KIF14: variants seen among roughly 807,000 people sequenced by gnomAD.
The protein encoded by KIF14 is kinesin-like protein KIF14.
In KIF14, 98 loss-of-function variants were observed where a neutral mutation model predicts 176.2. That is an observed-to-expected ratio of 0.56 (90% CI 0.47 to 0.66). The LOEUF is 0.66. Ranked by LOEUF, KIF14 falls within the 30% of genes least tolerant of loss-of-function variation. The pLI, the probability that KIF14 is intolerant of heterozygous loss-of-function variation, is 0.00. For missense variants in KIF14, 1,751 were observed against 1,920.4 expected, an observed-to-expected ratio of 0.91 and a Z score of 1.65; for synonymous variants, 566 against 632.2, an observed-to-expected ratio of 0.90 and a Z score of 1.57.
At chr1:200,603,124 C>T (rs1027225111) in intron 10 of KIF14, 102 bp downstream of exon 10, 4 of 632,224 alleles carry the variant, frequency 6.3e-6, no homozygotes, top group African/African-American at 5.4e-5. Context: ...TAATGCTTAC[C>T]ACCTTTCTCC....
chr1:200,573,193 C>G (rs1358519514), intron 22 of KIF14, among the ~76,000 whole-genome samples: 6 of 152,138 alleles, frequency 3.9e-5, no homozygotes, highest in African/African-American at 1.4e-4. Context: ...AGCAGCTGCT[C>G]TGTACATAGG....
intron 6 of KIF14, among the ~76,000 whole-genome samples, chr1:200,606,135 A>G (rs1659869204): frequency 6.6e-6 from 1 of 152,146 alleles, no homozygotes; most frequent in Admixed American, 6.5e-5. Flanking sequence ...GAAGCACCTT[A>G]GCATCTTAAT....
intron 29 of KIF14, 120 bp downstream of exon 29, chr1:200,554,348 G>A (rs1267196893): frequency 1.6e-6 from 1 of 623,466 alleles, no homozygotes; most frequent in Non-Finnish European, 2.7e-6. Context: ...CTGAAATCGA[G>A]CCACTGCACT....
intron 5 of KIF14, among the ~76,000 whole-genome samples, chr1:200,608,016 G>A (rs1328072696): frequency 6.6e-6 from 1 of 151,880 alleles, no homozygotes; most frequent in Non-Finnish European, 1.5e-5. Context: ...TTAGATTTTT[G>A]TTTATTGTGC....
rs1032317058 is a variant in KIF14 at position 200,565,007 on chromosome 1, T to C, written c.4071+62A>G. ...CTAATTTTGGGGAAGATATAGACAGTAGAAAGCCAATAAATAATTATTAAA... is the reference window on the plus strand; with the variant it reads ...CTAATTTTGGGGAAGATATAGACAGCAGAAAGCCAATAAATAATTATTAAA... On this transcript the variant is annotated intron_variant, in intron 25 of 29. Transcript: ENST00000367350. 20 of 1,333,684 alleles carry C rather than the reference T, an allele frequency of 1.5e-5. No individual in the cohort carries two copies. In the African/African-American group the frequency reaches 2.9e-4, roughly 19 times the overall value. The allele number at this position is 1,333,684 out of a possible 1,614,324, so 82.6% of individuals were successfully genotyped here. A position where few individuals can be genotyped will look rare whatever the true frequency, so the allele number is the denominator to read the frequency against.
intron 13 of KIF14, among the ~76,000 whole-genome samples, chr1:200,599,676 C>G (rs1659531649): frequency 6.6e-6 from 1 of 152,208 alleles, no homozygotes; most frequent in African/African-American, 2.4e-5. Flanking sequence ...GCATTTCAGT[C>G]TTCTATTTAC....
chr1:200,602,585 T>C (rs1045783816), intron 10 of KIF14, among the ~76,000 whole-genome samples: 2 of 152,198 alleles, frequency 1.3e-5, no homozygotes, highest in African/African-American at 4.8e-5. Flanking sequence ...TTTTCCCTTA[T>C]AGGTTTCAAG....
At chr1:200,567,461 C>T (rs1657527636) in intron 23 of KIF14, among the ~76,000 whole-genome samples, 1 of 147,396 alleles carries the variant, frequency 6.8e-6, no homozygotes. Context: ...AGGAGAATGG[C>T]GTGAACCCGG....
At chr1:200,581,115 G>GAAAAAAA (rs368717102) in intron 20 of KIF14, 86 bp downstream of exon 20, 19,467 of 288,488 alleles carry the variant, frequency 0.067, 1,749 homozygotes, top group African/African-American at 0.29. Context: ...CTCTGTCTCA[G>GAAAAAAA]AAAAAAAAAA....
At position 200,618,429 on chromosome 1, in the gene KIF14, C is replaced by T. The variant is rs1660522184; in HGVS notation, c.295G>A (p.Glu99Lys). The T allele has an allele frequency of 6.2e-7, 1 of 1,614,144 alleles. No individual in the cohort carries two copies. Among genetic ancestry groups the T allele is most frequent in the Non-Finnish European group, 8.5e-7 (1 of 1,180,012 alleles). The change falls in exon 2 of 30, where the codon GAA (glutamate) becomes AAA (lysine). Residue 99 changes from glutamate (E) to lysine (K), a missense_variant. Transcript: ENST00000367350. ...AACTCACTAACAAGCAAAGATGATT[C>T]TTTGTTCCTTGTAGTTCTCCTCTGA... is the stretch of plus-strand genomic sequence containing the variant. The part of the protein sequence containing the change: ...ALQRRTTRNK[E>K]SSLLVSELED...
rs1402862520 is a variant in KIF14, at chr1:200,598,362, T to C, written c.2424A>G (p.Glu808=). ...NHLPNLVNLN[E]DPQLSEMLLY... ...GCAGCATCTCAGATAGTTGTGGATCTTCATTCAGATTAACAAGGTTTGGTA... is the reference window on the plus strand; with the variant it reads ...GCAGCATCTCAGATAGTTGTGGATCCTCATTCAGATTAACAAGGTTTGGTA... Residue 808 remains glutamate (E), a synonymous_variant, in exon 14 of 30, where the codon GAA becomes GAG. Coordinates refer to ENST00000367350, the MANE Select transcript of KIF14 (RefSeq NM_014875.3). 2 of 1,612,720 alleles carry C rather than the reference T, an allele frequency of 1.2e-6. No homozygotes were observed. The highest frequency in any genetic ancestry group is 4.5e-5 in the East Asian group (2 of 44,762).
intron 16 of KIF14, 129 bp from the exon 17 acceptor site, chr1:200,590,401 C>A (rs1032737252): frequency 1.2e-6 from 1 of 822,468 alleles, no homozygotes; most frequent in Non-Finnish European, 1.8e-6. Context: ...TTCTGACATT[C>A]TATCAACAGT....
At position 200,581,115 on chromosome 1, in the gene KIF14, GAA is replaced by G. The variant is rs368717102; in HGVS notation, c.3335+84_3335+85del. ...GGCAACAGAGCAAGACTCTGTCTCAGAAAAAAAAAAAAAAAAAAGAGAAACTA... is the reference window on the plus strand; with the variant it reads ...GGCAACAGAGCAAGACTCTGTCTCAGAAAAAAAAAAAAAAAAGAGAAACTA... On this transcript the variant is annotated intron_variant, in intron 20 of 29. Coordinates refer to ENST00000367350, the MANE Select transcript of KIF14 (RefSeq NM_014875.3). 1,594 of 290,026 alleles carry G rather than the reference GAA, an allele frequency of 5.5e-3. 2 individuals are homozygous for G. The highest frequency in any genetic ancestry group is 8.4e-3 in the Admixed American group (118 of 14,116). 18.0% of individuals were successfully genotyped at this position (290,026 alleles called of 1,614,324 possible).
chr1:200,615,514 T>C lies in KIF14; in HGVS notation c.1208A>G (p.Tyr403Cys), dbSNP rs145742057. 3.1e-6 allele frequency: 5 copies of C among 1,613,930 alleles called. No homozygotes were observed. The African/African-American group carries it at 6.7e-5, about 22-fold the overall frequency. ...PDTKQVYNFI[Y>C]DVSFWSFDEC... ...ATCAAAAGACCAGAATGAAACATCA[T>C]AAATAAAATTATAAACTTGTTTCGT... The change falls in exon 3 of 30, where the codon TAT becomes TGT. Residue 403 changes from tyrosine (Y) to cysteine (C), a missense_variant. Coordinates refer to ENST00000367350, the MANE Select transcript of KIF14 (RefSeq NM_014875.3).
chr1:200,561,904 G>A (rs1296529549), intron 25 of KIF14, among the ~76,000 whole-genome samples: 2 of 152,066 alleles, frequency 1.3e-5, no homozygotes, highest in Non-Finnish European at 2.9e-5. Context: ...AAAAGAAATC[G>A]AGAGGGAGAG....
rs1309210301 is a variant in KIF14 at position 200,552,578 on chromosome 1, ATAT to A, written c.*807_*809del. 6.6e-6 allele frequency: 1 copy of A among 151,428 alleles called. No homozygotes were observed. The highest frequency in any genetic ancestry group is 1.5e-5 in the Non-Finnish European group (1 of 68,012). 9.4% of individuals were successfully genotyped at this position (151,428 alleles called of 1,614,324 possible). A position where few individuals can be genotyped will look rare whatever the true frequency, so the allele number is the denominator to read the frequency against. ...GGGTAAACTACTGTGCCAGCAAGCC[ATAT>A]TATTAATATATAATTATACTATATT... On this transcript the variant is annotated 3_prime_UTR_variant, in exon 30 of 30. Transcript: ENST00000367350.
intron 13 of KIF14, 110 bp downstream of exon 13, chr1:200,599,940 T>C: frequency 1.5e-6 from 1 of 667,368 alleles, no homozygotes; most frequent in South Asian, 1.9e-5. Flanking sequence ...AGAGTCAGTA[T>C]ATAGTAAGTA....
Position 200,620,468 on chromosome 1 carries a change from C to T in KIF14, c.-173G>A, listed in dbSNP as rs1175817193. The T allele has an allele frequency of 6.6e-6, 1 of 152,298 alleles. No individual in the cohort carries two copies. The highest frequency in any genetic ancestry group is 1.5e-5 in the Non-Finnish European group (1 of 68,086). 9.4% of individuals were successfully genotyped at this position (152,298 alleles called of 1,614,324 possible). On this transcript the variant is annotated 5_prime_UTR_variant, in exon 1 of 30. Transcript: ENST00000367350. Reference sequence around the variant, plus strand: ...GGAGAAGCCCACGGGCCGAGAGGCCCTGAAGTCCGGCTTCCCGGTCCCAGC... The same window carrying T: ...GGAGAAGCCCACGGGCCGAGAGGCCTTGAAGTCCGGCTTCCCGGTCCCAGC...
At chr1:200,619,724 G>GT (rs1660594649) in intron 1 of KIF14, among the ~76,000 whole-genome samples, 1 of 152,196 alleles carries the variant, frequency 6.6e-6, no homozygotes, top group African/African-American at 2.4e-5. Flanking sequence ...TTATTCCCAA[G>GT]TACCACAGGC....
Sources: allele counts gnomAD v4.1 joint callset (sites outside exome capture counted in the v4.1 genomes callset), GRCh38; gene constraint gnomAD v4.1.1; transcripts MANE v1.5; gene names NCBI Gene and HGNC (gene_info 2026-07-23, HGNC 2026-07-21).